Variants in MRNIP observed in about 807,000 individuals in gnomAD.
MRNIP encodes MRN complex-interacting protein.
A neutral mutation model predicts 29.8 loss-of-function variants in MRNIP; 30 were observed. That is an observed-to-expected ratio of 1.01 (90% CI 0.75 to 1.36). The LOEUF is 1.36. Ranked by LOEUF, MRNIP falls within the 40% of genes most tolerant of loss-of-function variation. The pLI is 0.00. For synonymous variants in MRNIP, 201 were observed against 164.1 expected (o/e 1.23, Z -1.72); for missense variants, 459 against 423.5 (o/e 1.08, Z -0.74).
chr5:179,855,855 C>T (rs187597904), intron 1 of MRNIP, among the ~76,000 whole-genome samples: 1 of 150,790 alleles, frequency 6.6e-6, no homozygotes, highest in African/African-American at 2.4e-5. Flanking sequence ...TACCTTAAAA[C>T]ACCAATAAAA....
chr5:179,848,369 G>T (rs561320672), intron 2 of MRNIP, among the ~76,000 whole-genome samples: 4 of 152,122 alleles, frequency 2.6e-5, no homozygotes, highest in Non-Finnish European at 5.9e-5. Context: ...GAGTAAAAAG[G>T]TCACAAGAGA....
intron 2 of MRNIP, among the ~76,000 whole-genome samples, chr5:179,851,931 C>A (rs1413453201): frequency 6.6e-6 from 1 of 151,124 alleles, no homozygotes; most frequent in African/African-American, 2.4e-5. Flanking sequence ...TGAGCGAGAT[C>A]GCACCACTGC....
At chr5:179,852,296 A>C (rs556387026) in intron 2 of MRNIP, among the ~76,000 whole-genome samples, 1 of 152,060 alleles carries the variant, frequency 6.6e-6, no homozygotes, top group Admixed American at 6.5e-5. Flanking sequence ...AAAAAAAAAA[A>C]AAACCCCAAA....
At chr5:179,850,209 T>C (rs542035254) in intron 2 of MRNIP, among the ~76,000 whole-genome samples, 2 of 152,070 alleles carry the variant, frequency 1.3e-5, no homozygotes, top group Admixed American at 6.5e-5. Flanking sequence ...AGACGGAATT[T>C]GAGAGGATGC....
chr5:179,841,048 G>T, intron 5 of MRNIP, 89 bp from the exon 6 acceptor site: 1 of 905,412 alleles, frequency 1.1e-6, no homozygotes, highest in South Asian at 1.5e-5. Context: ...ACAGGCTCGG[G>T]TGGCCACCTG....
chr5:179,842,600 T>A (rs1322694226), intron 4 of MRNIP, among the ~76,000 whole-genome samples: 1 of 140,634 alleles, frequency 7.1e-6, no homozygotes, highest in African/African-American at 2.7e-5. Context: ...CTCAGGAGGC[T>A]GAGGCAGGAG....
rs1439198097 is a variant in MRNIP at position 179,851,429 on chromosome 5, G to A, written c.126+1949C>T. 5 of 455,948 alleles carry A rather than the reference G, an allele frequency of 1.1e-5. No homozygotes were observed. The Admixed American group carries it at 1.2e-4, about 11-fold the overall frequency. 28.2% of individuals were successfully genotyped at this position (455,948 alleles called of 1,614,324 possible). ...CAGAGAATCTGACTGAACAGTCTGGGGAGAAACAGAAAGGGAAGGAGAGGA... is the reference window on the plus strand; with the variant it reads ...CAGAGAATCTGACTGAACAGTCTGGAGAGAAACAGAAAGGGAAGGAGAGGA... On this transcript the variant is annotated intron_variant, in intron 2 of 6. Coordinates refer to ENST00000292586, the MANE Select transcript of MRNIP (RefSeq NM_016175.4).
At position 179,855,128 on chromosome 5, in the gene MRNIP, A is replaced by G. The variant is rs181709203; in HGVS notation, c.67-1691T>C. Among the ~76,000 whole-genome samples, 9 of 151,662 alleles carry G rather than the reference A, an allele frequency of 5.9e-5. No individual in the cohort carries two copies. The East Asian group carries it at 1.7e-3, about 29-fold the overall frequency. ...ACCTCGGCCTCCCAAAGAAAAGCCA[A>G]TTTTTTAATTTTAATTTTAATTTTA... is the stretch of plus-strand genomic sequence containing the variant. On this transcript the variant is annotated intron_variant, in intron 1 of 6. Coordinates refer to ENST00000292586, the MANE Select transcript of MRNIP (RefSeq NM_016175.4).
chr5:179,858,745 AGAGGCGGCAGCTGCAGCAGCGTAG>A lies in MRNIP; in HGVS notation c.28_51del (p.Leu10_Leu17del). 2.0e-6 allele frequency: 3 copies of A among 1,529,980 alleles called. No individual in the cohort carries two copies. The highest frequency in any genetic ancestry group is 2.6e-6 in the Non-Finnish European group (3 of 1,137,928). The allele number at this position is 1,529,980 out of a possible 1,614,324, so 94.8% of individuals were successfully genotyped here. ...ACCCGCCAGACCTGGTGCGCCTGGA[AGAGGCGGCAGCTGCAGCAGCGTAG>A]CACCCGAGAACGCTGAAGCGACGCC... On this transcript the variant is annotated inframe_deletion, in exon 1 of 7. Transcript: ENST00000292586.
At chr5:179,856,238 A>AG (rs1759574604) in intron 1 of MRNIP, among the ~76,000 whole-genome samples, 2 of 152,060 alleles carry the variant, frequency 1.3e-5, no homozygotes, top group African/African-American at 4.8e-5. Context: ...TAGGACTCAC[A>AG]GAACCTGGTA....
At chr5:179,844,884 A>G (rs1759067162) in intron 3 of MRNIP, among the ~76,000 whole-genome samples, 1 of 152,248 alleles carries the variant, frequency 6.6e-6, no homozygotes, top group South Asian at 2.1e-4. Flanking sequence ...ATACACAATC[A>G]TGCTATTTGC....
In MRNIP at chr5:179,837,338, A is replaced by C; in HGVS notation, c.*53T>G. ...AGTATCTTTAAAAGTGCCTTAGGGG[A>C]ACCCTGTCCCTCCTAACAAGTGTAT... On this transcript the variant is annotated 3_prime_UTR_variant, in exon 7 of 7. Transcript: ENST00000292586. The C allele has an allele frequency of 6.3e-7, 1 of 1,584,814 alleles. No individual in the cohort carries two copies. Among genetic ancestry groups the C allele is most frequent in the Non-Finnish European group, 8.6e-7 (1 of 1,165,496 alleles).
chr5:179,841,546 G>A (rs963692400), intron 5 of MRNIP: 1 of 228,130 alleles, frequency 4.4e-6, no homozygotes, highest in African/African-American at 2.3e-5. Flanking sequence ...GCCTGAAGCA[G>A]AAGAAAACTT....
At chr5:179,848,296 C>A (rs181945199) in intron 2 of MRNIP, among the ~76,000 whole-genome samples, 1 of 152,280 alleles carries the variant, frequency 6.6e-6, no homozygotes, top group Admixed American at 6.5e-5. Context: ...CACAATCACC[C>A]TGAACTCTAC....
chr5:179,849,039 A>T (rs1348673730), intron 2 of MRNIP, among the ~76,000 whole-genome samples: 2 of 151,722 alleles, frequency 1.3e-5, no homozygotes, highest in Admixed American at 6.6e-5. Flanking sequence ...TGGCACAGGC[A>T]GATGGTACAA....
Position 179,841,010 on chromosome 5 carries a change from C to T in MRNIP, c.450-51G>A, listed in dbSNP as rs374799936. On this transcript the variant is annotated intron_variant, in intron 5 of 6. Coordinates refer to ENST00000292586, the MANE Select transcript of MRNIP (RefSeq NM_016175.4). ...CCCGTGCTACTCTCCAGTGGCACCC[C>T]GAGCCTGACTCCACGATCACATGGC... The T allele has an allele frequency of 3.9e-5, 52 of 1,327,722 alleles. No homozygotes were observed. The Admixed American group carries it at 4.9e-4, about 12-fold the overall frequency. The allele number at this position is 1,327,722 out of a possible 1,614,324, so 82.2% of individuals were successfully genotyped here.
chr5:179,855,601 T>C (rs1759543087), intron 1 of MRNIP, among the ~76,000 whole-genome samples: 1 of 152,192 alleles, frequency 6.6e-6, no homozygotes, highest in Non-Finnish European at 1.5e-5. Flanking sequence ...AAGAGTCCAT[T>C]TATAACAGCA....
At chr5:179,848,817 G>A (rs1265518440) in intron 2 of MRNIP, among the ~76,000 whole-genome samples, 1 of 152,266 alleles carries the variant, frequency 6.6e-6, no homozygotes, top group African/African-American at 2.4e-5. Flanking sequence ...CCACATGGCT[G>A]TCTAGGGGAA....
intron 1 of MRNIP, among the ~76,000 whole-genome samples, chr5:179,853,809 G>A (rs1012250249): frequency 1.3e-5 from 2 of 152,008 alleles, no homozygotes; most frequent in Non-Finnish European, 2.9e-5. Flanking sequence ...AAATGGAATT[G>A]GATCTGAAAT....
Sources: gnomAD v4.1 joint callset for allele counts (sites outside exome capture counted in the v4.1 genomes callset) on GRCh38, gnomAD v4.1.1 for gene constraint, MANE v1.5 for transcripts, NCBI Gene and HGNC (gene_info 2026-07-23, HGNC 2026-07-21) for gene names.